MCU: variants seen among roughly 807,000 people sequenced by gnomAD.
MCU encodes the protein mitochondrial calcium uniporter.
In MCU, 12 loss-of-function variants were observed where a neutral mutation model predicts 45.2. The observed-to-expected ratio is 0.27, with a 90% CI of 0.17 to 0.43. The LOEUF (loss-of-function observed/expected upper bound fraction) is 0.43, where lower values mean the gene tolerates loss of function less well. Among genes scored for constraint, MCU ranks in the 20% least tolerant of loss-of-function variants. The pLI is 1.00. For synonymous variants in MCU, 160 were observed against 165.1 expected (o/e 0.97, Z 0.24); for missense variants, 324 against 436.7 (o/e 0.74, Z 2.30).
At chr10:72,758,166 GAA>G (rs1843604844) in intron 1 of MCU, among the ~76,000 whole-genome samples, 1 of 152,192 alleles carries the variant, frequency 6.6e-6, no homozygotes, top group African/African-American at 2.4e-5. Context: ...GAGGAGGATA[GAA>G]AGAGCTCTTC....
chr10:72,765,492 C>T (rs1843712727), intron 1 of MCU, among the ~76,000 whole-genome samples: 1 of 151,832 alleles, frequency 6.6e-6, no homozygotes, highest in Non-Finnish European at 1.5e-5. Context: ...GCAAATACCT[C>T]CAGGAAGAAT....
intron 1 of MCU, among the ~76,000 whole-genome samples, chr10:72,737,185 A>C (rs998201319): frequency 6.6e-6 from 1 of 152,196 alleles, no homozygotes; most frequent in African/African-American, 2.4e-5. Flanking sequence ...TCCAGTCATG[A>C]GTTTTCATTC....
intron 1 of MCU, among the ~76,000 whole-genome samples, chr10:72,793,324 A>G (rs188145726): frequency 6.6e-6 from 1 of 152,320 alleles, no homozygotes; most frequent in East Asian, 1.9e-4. Context: ...ACCACTTAAA[A>G]AGAGAGAGCA....
rs776825104 is a variant in MCU, at chr10:72,871,357, T to G, written c.658-20T>G. ...ATTGGTTTTATGTCAAAATGCCTTA[T>G]GATTATGTGTGCCCAATAGGTACGA... On this transcript the variant is annotated intron_variant, in intron 5 of 7. Coordinates refer to ENST00000373053, the MANE Select transcript of MCU (RefSeq NM_138357.3). 1 of 1,612,106 alleles carries G rather than the reference T, an allele frequency of 6.2e-7. No individual in the cohort carries two copies. Among genetic ancestry groups the G allele is most frequent in the Non-Finnish European group, 8.5e-7 (1 of 1,178,162 alleles).
chr10:72,795,506 T>G (rs1844229604), intron 1 of MCU, among the ~76,000 whole-genome samples: 1 of 152,232 alleles, frequency 6.6e-6, no homozygotes, highest in South Asian at 2.1e-4. Flanking sequence ...TTTAAAAATC[T>G]TACTTTTAGA....
intron 1 of MCU, among the ~76,000 whole-genome samples, chr10:72,770,255 C>CTGCTTTCTTTTGCATTA (rs1322679438): frequency 6.6e-6 from 1 of 152,074 alleles, no homozygotes; most frequent in African/African-American, 2.4e-5. Flanking sequence ...TTTTCCCTCA[C>CTGCTTTCTTTTGCATTA]TGCTTTCTTT....
intron 1 of MCU, chr10:72,712,193 A>T (rs1842903597): frequency 6.6e-6 from 1 of 152,184 alleles, no homozygotes; most frequent in African/African-American, 2.4e-5. Flanking sequence ...GGAAAAAGGA[A>T]TTTATTATGT....
intron 1 of MCU, among the ~76,000 whole-genome samples, chr10:72,714,799 G>C (rs917852261): frequency 2.0e-5 from 3 of 151,746 alleles, no homozygotes; most frequent in Non-Finnish European, 4.4e-5. Flanking sequence ...CCCCCCCTTG[G>C]CCTCCCAAAG....
At chr10:72,837,453 C>T (rs1844971554) in intron 2 of MCU, among the ~76,000 whole-genome samples, 1 of 152,198 alleles carries the variant, frequency 6.6e-6, no homozygotes, top group Non-Finnish European at 1.5e-5. Context: ...AGTTCTACCA[C>T]TTAACCTCCT....
intron 1 of MCU, among the ~76,000 whole-genome samples, chr10:72,775,391 G>A (rs1459831141): frequency 1.3e-5 from 2 of 151,984 alleles, no homozygotes; most frequent in East Asian, 1.9e-4. Context: ...TACTGTAAAA[G>A]CCTTACTAAG....
chr10:72,849,921 T>C (rs1466984547), intron 2 of MCU, among the ~76,000 whole-genome samples: 3 of 151,860 alleles, frequency 2.0e-5, no homozygotes, highest in Non-Finnish European at 4.4e-5. Flanking sequence ...TTTTCTTTTT[T>C]TTTTTTTTTT....
intron 1 of MCU, among the ~76,000 whole-genome samples, chr10:72,742,895 A>G (rs1843355152): frequency 6.6e-6 from 1 of 152,132 alleles, no homozygotes; most frequent in Non-Finnish European, 1.5e-5. Context: ...GTGCAATGCT[A>G]TAAATGCTGC....
intron 2 of MCU, among the ~76,000 whole-genome samples, chr10:72,851,950 G>A (rs368236754): frequency 3.9e-5 from 6 of 152,288 alleles, no homozygotes; most frequent in African/African-American, 1.4e-4. Flanking sequence ...TAGATTAGGT[G>A]TCTTTCACTG....
intron 1 of MCU, among the ~76,000 whole-genome samples, chr10:72,717,363 A>G (rs1020842153): frequency 5.3e-5 from 8 of 151,728 alleles, no homozygotes; most frequent in Non-Finnish European, 1.0e-4. Context: ...GAGTTCAAGC[A>G]ATTCTCCTAC....
At chr10:72,837,194 ATTT>A (rs755289387) in intron 2 of MCU, among the ~76,000 whole-genome samples, 1 of 145,866 alleles carries the variant, frequency 6.9e-6, no homozygotes. Context: ...CAGGTTCTAG[ATTT>A]TTTTTTTTTT....
intron 1 of MCU, among the ~76,000 whole-genome samples, chr10:72,745,395 T>A (rs895091298): frequency 2.0e-5 from 3 of 151,962 alleles, no homozygotes; most frequent in African/African-American, 7.3e-5. Flanking sequence ...CACCGGCTGG[T>A]TTTTTCTATT....
chr10:72,810,231 A>G (rs1042807305), intron 1 of MCU, among the ~76,000 whole-genome samples: 2 of 152,004 alleles, frequency 1.3e-5, no homozygotes, highest in African/African-American at 4.8e-5. Flanking sequence ...AAAAAAAGAA[A>G]ATTGAGAGAA....
At chr10:72,787,065 TA>T (rs1173630643) in intron 1 of MCU, among the ~76,000 whole-genome samples, 1 of 152,218 alleles carries the variant, frequency 6.6e-6, no homozygotes, top group Non-Finnish European at 1.5e-5. Context: ...ATCCATTTAA[TA>T]ATGTAATAAA....
At chr10:72,850,188 G>A (rs919187881) in intron 2 of MCU, among the ~76,000 whole-genome samples, 3 of 151,998 alleles carry the variant, frequency 2.0e-5, no homozygotes, top group Admixed American at 6.6e-5. Context: ...ATTATCTAAC[G>A]TTACTAGACT....
Sources: allele counts gnomAD v4.1 joint callset (sites outside exome capture counted in the v4.1 genomes callset), GRCh38; gene constraint gnomAD v4.1.1; transcripts MANE v1.5; gene names NCBI Gene and HGNC (gene_info 2026-07-23, HGNC 2026-07-21).